Variants in SNX13 observed in about 807,000 individuals in gnomAD.
SNX13 encodes the protein sorting nexin-13.
A neutral mutation model predicts 133.6 loss-of-function variants in SNX13; 45 were observed. That is an observed-to-expected ratio of 0.34 (90% CI 0.27 to 0.43). The LOEUF (loss-of-function observed/expected upper bound fraction) is 0.43. SNX13 is among the 20% of genes least tolerant of loss of function. The pLI is 1.00. For synonymous variants in SNX13, 414 were observed against 373.9 expected, an observed-to-expected ratio of 1.11 and a Z score of -1.24; for missense variants, 1,032 against 1,145.1, an observed-to-expected ratio of 0.90 and a Z score of 1.43.
intron 1 of SNX13, among the ~76,000 whole-genome samples, chr7:17,922,291 G>C (rs1473266137): frequency 6.6e-6 from 1 of 152,160 alleles, no homozygotes; most frequent in South Asian, 2.1e-4. Flanking sequence ...TTTAAAGCTA[G>C]TGGGGTCTTA....
At chr7:17,879,805 A>C (rs1473229487) in intron 5 of SNX13, 1 of 152,186 alleles carries the variant, frequency 6.6e-6, no homozygotes, top group South Asian at 2.1e-4. Flanking sequence ...GACTCCCCCA[A>C]ATGATGGGTC....
chr7:17,934,039 C>A (rs1488713815), intron 1 of SNX13, among the ~76,000 whole-genome samples: 1 of 152,152 alleles, frequency 6.6e-6, no homozygotes, highest in African/African-American at 2.4e-5. Flanking sequence ...GCTTAACATA[C>A]AGGTTTGTGT....
intron 1 of SNX13, among the ~76,000 whole-genome samples, chr7:17,939,834 GCAA>G (rs766012582): frequency 6.6e-6 from 1 of 152,206 alleles, no homozygotes; most frequent in Non-Finnish European, 1.5e-5. Flanking sequence ...GTCGGGCCGA[GCAA>G]CAACCCCAGG....
chr7:17,834,067 C>T lies in SNX13; in HGVS notation c.1582G>A (p.Asp528Asn). ...GCCACCTTACCTCCATCCCCATCAT[C>T]GGATCCTCTGAAACTAGGATCTTTT... ...MLKDPSFRGS[D>N]DGDGESFNGS... Residue 528 changes from aspartate to asparagine, a missense_variant, in exon 15 of 26, where the codon GAT (aspartate) becomes AAT (asparagine). By Grantham distance (23) the Asp-to-Asn change is conservative. Transcript: ENST00000428135. 2.5e-6 allele frequency: 4 copies of T among 1,570,152 alleles called. No individual in the cohort carries two copies. Among genetic ancestry groups the T allele is most frequent in the South Asian group, 1.2e-5 (1 of 84,378 alleles).
intron 12 of SNX13, among the ~76,000 whole-genome samples, chr7:17,844,851 G>A (rs146157623): frequency 1.6e-3 from 242 of 151,648 alleles, no homozygotes; most frequent in African/African-American, 5.5e-3. Flanking sequence ...ACATTTTCAT[G>A]ACAAAAACAC....
chr7:17,892,081 G>T (rs1007842706), intron 3 of SNX13, among the ~76,000 whole-genome samples: 1 of 151,898 alleles, frequency 6.6e-6, no homozygotes, highest in Non-Finnish European at 1.5e-5. Flanking sequence ...TTAAGAAAAT[G>T]TACTTCTCTA....
intron 25 of SNX13, 160 bp downstream of exon 25, chr7:17,796,666 AT>A: frequency 1.6e-6 from 1 of 607,828 alleles, no homozygotes; most frequent in Non-Finnish European, 2.9e-6. Context: ...ATGAGGACTG[AT>A]TAAGAACATA....
chr7:17,923,324 A>C (rs1352193202), intron 1 of SNX13, among the ~76,000 whole-genome samples: 1 of 152,230 alleles, frequency 6.6e-6, no homozygotes, highest in Non-Finnish European at 1.5e-5. Flanking sequence ...AAAGAAAATG[A>C]ATATGTATTT....
In SNX13 at chr7:17,834,710, AG is replaced by A. The variant is rs1788937512; in HGVS notation, c.1464+50del. ...TTAAAAACTAATTACATTACATAAAAGTATTTTTTCTCAAAAAAGATAAAAT... is the reference window on the plus strand; with the variant it reads ...TTAAAAACTAATTACATTACATAAAATATTTTTTCTCAAAAAAGATAAAAT... On this transcript the variant is annotated intron_variant, in intron 14 of 25. Coordinates refer to ENST00000428135, the MANE Select transcript of SNX13 (RefSeq NM_015132.5). 2.4e-6 allele frequency: 3 copies of A among 1,245,662 alleles called. No individual in the cohort carries two copies. In the Admixed American group the frequency reaches 6.7e-5, roughly 28 times the overall value. 77.2% of individuals were successfully genotyped at this position (1,245,662 alleles called of 1,614,324 possible). A position where few individuals can be genotyped will look rare whatever the true frequency, so the allele number is the denominator to read the frequency against.
intron 1 of SNX13, among the ~76,000 whole-genome samples, chr7:17,921,333 C>T (rs1398386684): frequency 1.3e-5 from 2 of 152,152 alleles, no homozygotes; most frequent in African/African-American, 4.8e-5. Context: ...TCGATTCTCT[C>T]CTACACTCTG....
chr7:17,799,617 GTATTTATGTA>G (rs1784409715), intron 22 of SNX13, among the ~76,000 whole-genome samples: 1 of 151,750 alleles, frequency 6.6e-6, no homozygotes, highest in African/African-American at 2.4e-5. Context: ...TAAATTGTAT[GTATTTATGTA>G]CTTTCAGGAA....
At chr7:17,823,203 G>A (rs938153467) in intron 17 of SNX13, among the ~76,000 whole-genome samples, 26 of 151,978 alleles carry the variant, frequency 1.7e-4, no homozygotes, top group South Asian at 2.1e-4. Flanking sequence ...CATGGTCTAC[G>A]GCATCTGTAG....
chr7:17,847,675 G>A (rs1291958766), intron 11 of SNX13, among the ~76,000 whole-genome samples: 1 of 151,962 alleles, frequency 6.6e-6, no homozygotes, highest in East Asian at 1.9e-4. Context: ...TCTCCTTTAG[G>A]GCAAAACTTC....
At chr7:17,805,797 CAGA>C (rs1196154693) in intron 20 of SNX13, among the ~76,000 whole-genome samples, 7 of 152,148 alleles carry the variant, frequency 4.6e-5, no homozygotes, top group Middle Eastern at 3.4e-3. Flanking sequence ...TGTAGCATCC[CAGA>C]AGTACTGAAG....
rs572811447 is a variant in SNX13 at position 17,902,119 on chromosome 7, T to G, written c.13-4673A>C. Among the ~76,000 whole-genome samples the G allele has an allele frequency of 6.6e-5, 10 of 152,342 alleles. No individual in the cohort carries two copies. In the South Asian group the frequency reaches 2.1e-3, roughly 32 times the overall value. On this transcript the variant is annotated intron_variant, in intron 1 of 25. Coordinates refer to ENST00000428135, the MANE Select transcript of SNX13 (RefSeq NM_015132.5). ...TTCTAACAGGTGTTTTATTATTCAT[T>G]TGAAAACAGTAGCAAAATCACCTAA...
chr7:17,815,072 A>T (rs911423661), intron 19 of SNX13, 128 bp from the exon 20 acceptor site: 4 of 1,028,754 alleles, frequency 3.9e-6, no homozygotes, highest in Non-Finnish European at 5.1e-6. Flanking sequence ...TTATATTTTT[A>T]AAAACCCAAT....
intron 18 of SNX13, among the ~76,000 whole-genome samples, chr7:17,817,462 A>G (rs1786788985): frequency 6.6e-6 from 1 of 152,226 alleles, no homozygotes; most frequent in African/African-American, 2.4e-5. Context: ...GAGATTAAAG[A>G]GAAGAGAAAT....
chr7:17,813,383 A>C (rs780270859), intron 20 of SNX13, among the ~76,000 whole-genome samples: 3 of 152,182 alleles, frequency 2.0e-5, no homozygotes, highest in Non-Finnish European at 4.4e-5. Flanking sequence ...TGAAATACGC[A>C]GAAAAGCAAC....
Position 17,814,877 on chromosome 7 carries a change from T to G in SNX13, c.2021A>C (p.Glu674Ala). The change falls in exon 20 of 26, where the codon GAG becomes GCG. Residue 674 changes from glutamate (E) to alanine (A), a missense_variant. Physicochemically the swap from Glu to Ala is moderately radical, Grantham distance 107 (BLOSUM62 -1). Coordinates refer to ENST00000428135, the MANE Select transcript of SNX13 (RefSeq NM_015132.5). ...TTTTCCTTTACTGTAGGCTTTGTTC[T>G]CAAGGAAATCATACACATAGTGAGC... ...ALAHYVYDFLENKAYSKGKGD... is the reference protein window; with the variant it reads ...ALAHYVYDFLANKAYSKGKGD... 1 of 1,558,530 alleles carries G rather than the reference T, an allele frequency of 6.4e-7. No individual in the cohort carries two copies. Among genetic ancestry groups the G allele is most frequent in the Non-Finnish European group, 8.6e-7 (1 of 1,157,524 alleles).
Sources: gnomAD v4.1 joint callset for allele counts (sites outside exome capture counted in the v4.1 genomes callset) on GRCh38, gnomAD v4.1.1 for gene constraint, MANE v1.5 for transcripts, NCBI Gene and HGNC (gene_info 2026-07-23, HGNC 2026-07-21) for gene names.